Variants in USP35 observed in about 807,000 individuals in gnomAD.
The protein encoded by USP35 is ubiquitin specific peptidase 35.
A neutral mutation model predicts 83.8 loss-of-function variants in USP35; 69 were observed. That is an observed-to-expected ratio of 0.82 (90% CI 0.68 to 1.01). The LOEUF is 1.01. Ranked by LOEUF, USP35 falls within the 50% of genes least tolerant of loss-of-function variation. USP35 has a pLI of 0.00. For synonymous variants in USP35, 714 were observed against 589.5 expected, an observed-to-expected ratio of 1.21 and a Z score of -3.06; for missense variants, 1,503 against 1,362.5, an observed-to-expected ratio of 1.10 and a Z score of -1.62.
chr11:78,197,821 T>C (rs1863200268), intron 2 of USP35, 115 bp from the exon 3 acceptor site: 1 of 1,426,328 alleles, frequency 7.0e-7, no homozygotes, highest in South Asian at 1.4e-5. Flanking sequence ...AGGTGGCCTC[T>C]GCTGTGCTCT....
chr11:78,206,182 C>T (rs1863525780), intron 7 of USP35, 147 bp downstream of exon 7: 3 of 1,095,814 alleles, frequency 2.7e-6, no homozygotes, highest in Non-Finnish European at 3.9e-6. Flanking sequence ...TCTGTGGGGA[C>T]AGAGAGCCTC....
At chr11:78,223,148 T>C in the USP35 span, among the ~76,000 whole-genome samples, 4 of 152,310 alleles carry the variant, frequency 2.6e-5, no homozygotes, top group Middle Eastern at 6.8e-3. Flanking sequence ...GGACCTTGCC[T>C]GGTCTACATG....
the USP35 span, among the ~76,000 whole-genome samples, chr11:78,223,074 C>T: frequency 6.6e-6 from 1 of 152,176 alleles, no homozygotes; most frequent in Non-Finnish European, 1.5e-5. Context: ...CCTAGCTATC[C>T]TACTCCTCCC....
chr11:78,201,249 C>T (rs774139948), intron 6 of USP35, among the ~76,000 whole-genome samples: 4 of 152,168 alleles, frequency 2.6e-5, no homozygotes, highest in African/African-American at 4.8e-5. Context: ...CTTGGTACAT[C>T]CCTCTGTCAC....
the USP35 span, among the ~76,000 whole-genome samples, chr11:78,234,306 C>T: frequency 1.3e-5 from 2 of 152,084 alleles, no homozygotes; most frequent in South Asian, 4.1e-4. Context: ...TGGTTTTCAA[C>T]TCCTGAGCTC....
the USP35 span, chr11:78,225,107 C>T: frequency 6.2e-7 from 1 of 1,605,362 alleles, no homozygotes; most frequent in South Asian, 1.1e-5. Flanking sequence ...CCCACACTCA[C>T]CAGGAAAGAG....
the USP35 span, among the ~76,000 whole-genome samples, chr11:78,226,236 T>G: frequency 6.6e-6 from 1 of 152,230 alleles, no homozygotes; most frequent in South Asian, 2.1e-4. Context: ...TAGTAGAACA[T>G]TAACTTCTCT....
chr11:78,236,444 C>G, the USP35 span, among the ~76,000 whole-genome samples: 2 of 152,160 alleles, frequency 1.3e-5, no homozygotes, highest in African/African-American at 4.8e-5. Flanking sequence ...AACCACCACA[C>G]CAGGACTCTT....
At position 78,210,485 on chromosome 11, in the gene USP35, C is replaced by T. The variant is rs1480253259; in HGVS notation, c.2630C>T (p.Ser877Phe). 4 of 1,614,108 alleles carry T rather than the reference C, an allele frequency of 2.5e-6. No homozygotes were observed. In the Admixed American group the frequency reaches 5.0e-5, roughly 20 times the overall value. The change falls in exon 10 of 11, where the codon TCT becomes TTT. Residue 877 changes from serine to phenylalanine, a missense_variant. Transcript: ENST00000529308. ...AREGAARPAASLGTADRPEPE... is the reference protein window; with the variant it reads ...AREGAARPAAFLGTADRPEPE... ...GAGGGCGCTGCCCGCCCTGCCGCTT[C>T]TCTGGGAACTGCCGATAGGCCAGAG...
At chr11:78,211,645 T>C (rs758828872) in intron 10 of USP35, among the ~76,000 whole-genome samples, 3 of 152,250 alleles carry the variant, frequency 2.0e-5, no homozygotes, top group Non-Finnish European at 2.9e-5. Flanking sequence ...TAATCACCAT[T>C]CTGGCTTGCG....
At chr11:78,231,329 C>CGT in the USP35 span, among the ~76,000 whole-genome samples, 5,055 of 115,678 alleles carry the variant, frequency 0.044, 269 homozygotes, top group African/African-American at 0.14. Flanking sequence ...CGCGCGCGCG[C>CGT]GTGTGTGGTG....
chr11:78,230,011 C>T, the USP35 span, among the ~76,000 whole-genome samples: 4 of 152,202 alleles, frequency 2.6e-5, no homozygotes, highest in Non-Finnish European at 4.4e-5. Context: ...CTATATTAGG[C>T]ACCATTACTA....
rs539424203 is a variant in USP35 at position 78,208,790 on chromosome 11, C to T, written c.1486-67C>T. The T allele has an allele frequency of 2.6e-5, 41 of 1,561,788 alleles. 1 individual carries two copies. In the South Asian group the frequency reaches 4.0e-4, roughly 15 times the overall value. On this transcript the variant is annotated intron_variant, in intron 8 of 10. Coordinates refer to ENST00000529308, the MANE Select transcript of USP35 (RefSeq NM_020798.4). ...GAATGAGGTAGACCCTCAGGCCTAA[C>T]CTGTGCAGAGCTGGCTGGTGAGTGG...
chr11:78,225,263 A>G, the USP35 span: 5 of 1,100,034 alleles, frequency 4.5e-6, no homozygotes, highest in Non-Finnish European at 7.0e-6. Flanking sequence ...ACACTTACCC[A>G]TACCCTCACC....
rs759785227 is a variant in USP35, at chr11:78,209,936, G to A, written c.2081G>A (p.Gly694Glu). 2 of 1,605,930 alleles carry A rather than the reference G, an allele frequency of 1.2e-6. No individual in the cohort carries two copies. Among genetic ancestry groups the A allele is most frequent in the East Asian group, 2.2e-5 (1 of 44,462 alleles). The stretch of plus-strand genomic sequence containing the variant: ...GAGAGAACGGAGAAGGAAGAAGTGG[G>A]GGAGGAGGAGGAAAGCACCAGAGGG... ...KEERTEKEEV[G>E]EEEESTRGEG... The change falls in exon 10 of 11, where the codon GGG becomes GAG. Residue 694 changes from glycine (G) to glutamate (E), a missense_variant. Gly to Glu is a moderately conservative substitution (Grantham distance 98, BLOSUM62 -2). Transcript: ENST00000529308.
the USP35 span, chr11:78,223,743 C>T: frequency 2.8e-5 from 38 of 1,349,978 alleles, no homozygotes; most frequent in Middle Eastern, 1.9e-4. Context: ...GGGGGTAAGA[C>T]TTTGTAAATG....
chr11:78,200,346 G>T, intron 5 of USP35, 112 bp downstream of exon 5: 1 of 1,312,244 alleles, frequency 7.6e-7, no homozygotes, highest in Admixed American at 1.9e-5. Flanking sequence ...GGCTCTTGGG[G>T]CAGGTCACTT....
At chr11:78,206,211 G>C (rs1055417362) in intron 7 of USP35, among the ~76,000 whole-genome samples, 176 bp downstream of exon 7, 29 of 152,218 alleles carry the variant, frequency 1.9e-4, no homozygotes, top group African/African-American at 6.3e-4. Flanking sequence ...GCCAAGGCAG[G>C]TCAGGACTGG....
intron 4 of USP35, 37 bp from the exon 5 acceptor site, chr11:78,200,096 C>G: frequency 6.2e-7 from 1 of 1,611,286 alleles, no homozygotes; most frequent in Non-Finnish European, 8.5e-7. Flanking sequence ...CTCAGCAGCT[C>G]AAGCCTGGGG....
Sources: allele counts gnomAD v4.1 joint callset (sites outside exome capture counted in the v4.1 genomes callset), GRCh38; gene constraint gnomAD v4.1.1; transcripts MANE v1.5; gene names NCBI Gene and HGNC (gene_info 2026-07-23, HGNC 2026-07-21).